EPM2A: variants seen among roughly 807,000 people sequenced by gnomAD.
EPM2A encodes EPM2A glucan phosphatase, laforin, also known as laforin.
A neutral mutation model predicts 26.5 loss-of-function variants in EPM2A; 21 were observed. That is an observed-to-expected ratio of 0.79 (90% CI 0.56 to 1.14). The LOEUF (loss-of-function observed/expected upper bound fraction) is 1.14, where lower values mean the gene tolerates loss of function less well. Ranked by LOEUF, EPM2A falls within the 50% of genes most tolerant of loss-of-function variation. EPM2A has a pLI of 0.00. For missense variants in EPM2A, 458 were observed against 440.8 expected (o/e 1.04, Z -0.35); for synonymous variants, 217 against 177.6 (o/e 1.22, Z -1.76).
chr6:145,594,999 A>C (rs1252836231), intron 2 of EPM2A, among the ~76,000 whole-genome samples: 1 of 151,818 alleles, frequency 6.6e-6, no homozygotes, highest in African/African-American at 2.4e-5. Flanking sequence ...AGTAGTTAAA[A>C]ATCTAAATAT....
intron 1 of EPM2A, among the ~76,000 whole-genome samples, chr6:145,697,107 C>A (rs184353653): frequency 4.6e-5 from 7 of 151,970 alleles, no homozygotes; most frequent in African/African-American, 1.7e-4. Context: ...AAAATTCACC[C>A]CCGATATTTC....
At chr6:145,690,989 AACAG>A (rs1323188417) in intron 1 of EPM2A, among the ~76,000 whole-genome samples, 3 of 152,056 alleles carry the variant, frequency 2.0e-5, no homozygotes, top group Non-Finnish European at 4.4e-5. Context: ...AAAAAAAAAA[AACAG>A]ACACTTAGGG....
At chr6:145,545,395 C>T (rs1349373796) in intron 2 of EPM2A, among the ~76,000 whole-genome samples, 2 of 152,108 alleles carry the variant, frequency 1.3e-5, no homozygotes, top group African/African-American at 4.8e-5. Flanking sequence ...ATGTCACATC[C>T]ACTAACATTC....
chr6:145,587,872 TATTCTC>T (rs1365877699), intron 2 of EPM2A, among the ~76,000 whole-genome samples: 1 of 152,208 alleles, frequency 6.6e-6, no homozygotes, highest in Non-Finnish European at 1.5e-5. Context: ...AAATTTATCT[TATTCTC>T]AATAACTCAA....
At chr6:145,420,208 A>G (rs1462241311) in intron 4 of EPM2A, among the ~76,000 whole-genome samples, 1 of 152,118 alleles carries the variant, frequency 6.6e-6, no homozygotes, top group Non-Finnish European at 1.5e-5. Flanking sequence ...CAAGCCAATA[A>G]TATTTAATAT....
At chr6:145,572,845 C>T (rs939865985) in intron 2 of EPM2A, among the ~76,000 whole-genome samples, 1 of 152,194 alleles carries the variant, frequency 6.6e-6, no homozygotes, top group South Asian at 2.1e-4. Flanking sequence ...AAACTGGAAA[C>T]CTTTCAGGTC....
intron 4 of EPM2A, among the ~76,000 whole-genome samples, chr6:145,466,450 T>C (rs1468076944): frequency 5.3e-4 from 81 of 152,086 alleles, no homozygotes; most frequent in African/African-American, 1.8e-3. Flanking sequence ...GAGATACCAT[T>C]TCACACCAGT....
At chr6:145,517,342 C>A (rs748994026) in intron 2 of EPM2A, among the ~76,000 whole-genome samples, 4 of 150,966 alleles carry the variant, frequency 2.6e-5, no homozygotes, top group Non-Finnish European at 4.4e-5. Context: ...ATTATGTGTT[C>A]TTACCAAAAT....
intron 4 of EPM2A, among the ~76,000 whole-genome samples, chr6:145,386,233 T>C (rs1582713107): frequency 6.6e-6 from 1 of 152,164 alleles, no homozygotes; most frequent in Admixed American, 6.6e-5. Context: ...TTTGCTCAGA[T>C]TGGACACTGG....
rs1416943593 is a variant in EPM2A, at chr6:145,494,287, GT to G, written c.555+8234del. 2.0e-5 allele frequency among the ~76,000 whole-genome samples: 3 copies of G among 152,242 alleles called. No homozygotes were observed. The East Asian group carries it at 5.8e-4, about 29-fold the overall frequency. On this transcript the variant is annotated intron_variant, in intron 4 of 4. Coordinates refer to the EPM2A transcript ENST00000638717. ...TATGTGTATAGAGGTGTTTATAGTA[GT>G]CTCTGGTGTTTGTTGGTATTTCTGT...
chr6:145,694,648 C>T lies in EPM2A; in HGVS notation c.302-8352G>A, dbSNP rs201719666. ...GATGCAGAAAGAGAAGAAAGAAGAT[C>T]CAGCTAGAAAAACTATGTAAGAATA... On this transcript the variant is annotated intron_variant, in intron 1 of 3. Coordinates refer to ENST00000367519, the MANE Select transcript of EPM2A (RefSeq NM_005670.4). Among the ~76,000 whole-genome samples, 3 of 151,862 alleles carry T rather than the reference C, an allele frequency of 2.0e-5. No individual in the cohort carries two copies. The South Asian group carries it at 6.2e-4, about 31-fold the overall frequency.
intron 1 of EPM2A, among the ~76,000 whole-genome samples, chr6:145,731,346 T>A (rs982497695): frequency 1.3e-5 from 2 of 152,124 alleles, no homozygotes; most frequent in Non-Finnish European, 2.9e-5. Flanking sequence ...TATCCTTCAT[T>A]CATAAAAATG....
At chr6:145,700,569 T>A (rs1030725634) in intron 1 of EPM2A, among the ~76,000 whole-genome samples, 3 of 152,170 alleles carry the variant, frequency 2.0e-5, no homozygotes, top group Non-Finnish European at 4.4e-5. Flanking sequence ...AAAAAACCTA[T>A]CTTTGTGCAC....
At chr6:145,394,254 G>T (rs557307489) in intron 4 of EPM2A, among the ~76,000 whole-genome samples, 1 of 152,196 alleles carries the variant, frequency 6.6e-6, no homozygotes, top group Non-Finnish European at 1.5e-5. Context: ...ATGAGGGAGG[G>T]ACCATTCCAG....
At chr6:145,543,183 TATAAAC>T (rs1225391147) in intron 2 of EPM2A, among the ~76,000 whole-genome samples, 1 of 152,186 alleles carries the variant, frequency 6.6e-6, no homozygotes, top group Non-Finnish European at 1.5e-5. Flanking sequence ...TTAAAAAAGA[TATAAAC>T]AGAATAGAAG....
At chr6:145,472,112 C>T (rs1320788115) in intron 4 of EPM2A, among the ~76,000 whole-genome samples, 1 of 151,402 alleles carries the variant, frequency 6.6e-6, no homozygotes, top group African/African-American at 2.4e-5. Flanking sequence ...TCATGAGGCC[C>T]CCATTTCAGG....
chr6:145,630,632 A>G (rs1189827675), intron 3 of EPM2A: 1 of 152,184 alleles, frequency 6.6e-6, no homozygotes, highest in Non-Finnish European at 1.5e-5. Flanking sequence ...AGGGTACCAG[A>G]GAAGTAGCTG....
Position 145,602,351 on chromosome 6 carries a change from A to G in EPM2A, c.340+32894T>C, listed in dbSNP as rs137938596. ...CATTATGAAGTGTATATCTAATAAGAGAAAACTTTCCTTTTGACTTGACAT... is the reference window on the plus strand; with the variant it reads ...CATTATGAAGTGTATATCTAATAAGGGAAAACTTTCCTTTTGACTTGACAT... On this transcript the variant is annotated intron_variant, in intron 2 of 3. Transcript: ENST00000450221. Among the ~76,000 whole-genome samples, 276 of 152,358 alleles carry G rather than the reference A, an allele frequency of 1.8e-3. 1 individual carries two copies. Among genetic ancestry groups the G allele is most frequent in the African/African-American group, 6.3e-3 (262 of 41,584 alleles).
At chr6:145,631,831 T>TCTGCAGCTTTCAG (rs1776272689) in intron 3 of EPM2A, 1 of 150,262 alleles carries the variant, frequency 6.7e-6, no homozygotes, top group Non-Finnish European at 1.5e-5. Context: ...CTGAAAGAAA[T>TCTGCAGCTTTCAG]CTGCAGCTTT....
Sources: allele counts gnomAD v4.1 joint callset (sites outside exome capture counted in the v4.1 genomes callset), GRCh38; gene constraint gnomAD v4.1.1; transcripts MANE v1.5; gene names NCBI Gene and HGNC (gene_info 2026-07-23, HGNC 2026-07-21).